SH3BGRL2: variants seen among roughly 807,000 people sequenced by gnomAD.
The protein encoded by SH3BGRL2 is SH3 domain-binding glutamic acid-rich-like protein 2.
SH3BGRL2 carries 21 observed loss-of-function variants against 14.8 expected under a neutral mutation model. The ratio of observed to expected loss-of-function variants is 1.42; its 90% CI spans 1.01 to 2.05. SH3BGRL2 has a LOEUF of 2.05. Among genes scored for constraint, SH3BGRL2 ranks in the 30% most tolerant of loss-of-function variants. SH3BGRL2 has a pLI of 0.00. For synonymous variants in SH3BGRL2, 50 were observed against 47.8 expected (o/e 1.05, Z -0.19); for missense variants, 147 against 130.8 (o/e 1.12, Z -0.61).
At chr6:79,617,412 A>G in the SH3BGRL2 span, among the ~76,000 whole-genome samples, 1 of 152,172 alleles carries the variant, frequency 6.6e-6, no homozygotes, top group Non-Finnish European at 1.5e-5. Flanking sequence ...TAATATTATT[A>G]TCACACCTAA....
chr6:79,598,140 G>A, the SH3BGRL2 span, among the ~76,000 whole-genome samples: 1 of 152,318 alleles, frequency 6.6e-6, no homozygotes, highest in African/African-American at 2.4e-5. Flanking sequence ...TACAACACTG[G>A]TGGGTATATG....
In SH3BGRL2 at chr6:79,701,513, C is replaced by A. The variant is rs1290710608; in HGVS notation, c.*2004C>A. On this transcript the variant is annotated 3_prime_UTR_variant, in exon 4 of 4. Transcript: ENST00000369838. Reference sequence around the variant, plus strand: ...TCTTATATTATAATTTTTGAGTTAACCGTAGTATACCTATTATGATTATAG... The same window carrying A: ...TCTTATATTATAATTTTTGAGTTAAACGTAGTATACCTATTATGATTATAG... 1 of 151,940 alleles carries A rather than the reference C, an allele frequency of 6.6e-6. No homozygotes were observed. Among genetic ancestry groups the A allele is most frequent in the Non-Finnish European group, 1.5e-5 (1 of 67,984 alleles). The allele number at this position is 151,940 out of a possible 1,614,324, so 9.4% of individuals were successfully genotyped here. A position where few individuals can be genotyped will look rare whatever the true frequency, so the allele number is the denominator to read the frequency against.
the SH3BGRL2 span, among the ~76,000 whole-genome samples, chr6:79,553,823 A>C: frequency 6.6e-6 from 1 of 152,188 alleles, no homozygotes; most frequent in African/African-American, 2.4e-5. Flanking sequence ...AATACAAAAA[A>C]TTAGCGTGGT....
chr6:79,559,517 A>G, the SH3BGRL2 span, among the ~76,000 whole-genome samples: 1 of 152,184 alleles, frequency 6.6e-6, no homozygotes, highest in South Asian at 2.1e-4. Context: ...ACAAAGAAAA[A>G]CTATGGAAAT....
the SH3BGRL2 span, among the ~76,000 whole-genome samples, chr6:79,545,997 T>A: frequency 6.6e-6 from 1 of 152,116 alleles, no homozygotes; most frequent in Admixed American, 6.5e-5. Context: ...GATGTAAAAT[T>A]TCCTTACATT....
At chr6:79,630,881 G>C (rs1768808036), upstream of SH3BGRL2, among the ~76,000 whole-genome samples, 1 of 152,042 alleles carries the variant, frequency 6.6e-6, no homozygotes, top group Non-Finnish European at 1.5e-5. Context: ...CCAAGCACCC[G>C]GCTCGCCGAT....
At chr6:79,664,509 C>T (rs779094384) in intron 1 of SH3BGRL2, among the ~76,000 whole-genome samples, 35 of 152,154 alleles carry the variant, frequency 2.3e-4, no homozygotes, top group Non-Finnish European at 3.8e-4. Flanking sequence ...CTGTTCAGGA[C>T]TAGAACATTA....
At chr6:79,568,635 G>A in the SH3BGRL2 span, among the ~76,000 whole-genome samples, 19 of 152,140 alleles carry the variant, frequency 1.2e-4, no homozygotes, top group African/African-American at 4.6e-4. Flanking sequence ...AAGCAAGGAT[G>A]GGAGTAAGTT....
intron 1 of SH3BGRL2, among the ~76,000 whole-genome samples, chr6:79,658,093 C>A (rs1769461124): frequency 1.3e-5 from 2 of 152,182 alleles, no homozygotes; most frequent in South Asian, 2.1e-4. Context: ...ACTGTAAATT[C>A]TGACACCTGC....
At chr6:79,688,809 CTT>C (rs1373898571) in intron 2 of SH3BGRL2, among the ~76,000 whole-genome samples, 2 of 152,034 alleles carry the variant, frequency 1.3e-5, no homozygotes, top group African/African-American at 4.8e-5. Flanking sequence ...CTATATTAAT[CTT>C]AAATTATTTC....
At chr6:79,589,072 G>T in the SH3BGRL2 span, among the ~76,000 whole-genome samples, 1 of 151,964 alleles carries the variant, frequency 6.6e-6, no homozygotes, top group South Asian at 2.1e-4. Context: ...ATCATCTCTA[G>T]ATTACTTAAA....
chr6:79,692,289 T>A (rs1349457290), intron 2 of SH3BGRL2, among the ~76,000 whole-genome samples: 1 of 152,228 alleles, frequency 6.6e-6, no homozygotes, highest in African/African-American at 2.4e-5. Context: ...GTGAAAATTT[T>A]CTCCTATTTT....
chr6:79,698,870 C>T (rs1158515957), intron 3 of SH3BGRL2, among the ~76,000 whole-genome samples: 1 of 151,982 alleles, frequency 6.6e-6, no homozygotes, highest in African/African-American at 2.4e-5. Context: ...AGGTAGAAAA[C>T]CATCAAAGTT....
chr6:79,645,154 CAAA>C (rs68143148), intron 1 of SH3BGRL2, among the ~76,000 whole-genome samples: 1 of 120,056 alleles, frequency 8.3e-6, no homozygotes, highest in Non-Finnish European at 1.7e-5. Flanking sequence ...GAGTCCGTCT[CAAA>C]AAAAAAAAAA....
Position 79,688,148 on chromosome 6 carries a change from A to G in SH3BGRL2, c.232-8337A>G, listed in dbSNP as rs867614245. Among the ~76,000 whole-genome samples the G allele has an allele frequency of 5.3e-4, 80 of 152,052 alleles. 1 individual carries two copies. Among genetic ancestry groups the G allele is most frequent in the African/African-American group, 1.9e-3 (77 of 41,400 alleles). ...TTATTATGAGCTTAGAAATGTCTCT[A>G]ACAGTGGTTTTCACTTGAACATAAA... is the stretch of plus-strand genomic sequence containing the variant. On this transcript the variant is annotated intron_variant, in intron 2 of 3. Transcript: ENST00000369838.
the SH3BGRL2 span, among the ~76,000 whole-genome samples, chr6:79,598,994 T>A: frequency 6.7e-6 from 1 of 149,702 alleles, no homozygotes; most frequent in Non-Finnish European, 1.5e-5. Flanking sequence ...GGCAGGAGAA[T>A]CGCTTGAACC....
At chr6:79,594,055 C>T in the SH3BGRL2 span, among the ~76,000 whole-genome samples, 1 of 148,710 alleles carries the variant, frequency 6.7e-6, no homozygotes, top group Admixed American at 6.7e-5. Flanking sequence ...AAACTTCAGA[C>T]ACTGGAATTA....
At chr6:79,652,815 G>A (rs963734192) in intron 1 of SH3BGRL2, among the ~76,000 whole-genome samples, 1 of 152,026 alleles carries the variant, frequency 6.6e-6, no homozygotes, top group Non-Finnish European at 1.5e-5. Flanking sequence ...ATTTTTGCCT[G>A]CTGATATGTA....
the SH3BGRL2 span, among the ~76,000 whole-genome samples, chr6:79,581,064 A>T: frequency 1.3e-5 from 2 of 152,208 alleles, no homozygotes; most frequent in African/African-American, 4.8e-5. Context: ...TCCTGGACAC[A>T]TACACCCTCC....
Sources: gnomAD v4.1 joint callset for allele counts (sites outside exome capture counted in the v4.1 genomes callset) on GRCh38, gnomAD v4.1.1 for gene constraint, MANE v1.5 for transcripts, NCBI Gene and HGNC (gene_info 2026-07-23, HGNC 2026-07-21) for gene names.